Variants in NAV3 observed in about 807,000 individuals in gnomAD.
NAV3 encodes neuron navigator 3, also known as pore membrane and/or filament interacting like protein 1.
A neutral mutation model predicts 244.7 loss-of-function variants in NAV3; 87 were observed. That is an observed-to-expected ratio of 0.36 (90% CI 0.30 to 0.42). The LOEUF is 0.42. Among genes scored for constraint, NAV3 ranks in the 20% least tolerant of loss-of-function variants. The pLI, the probability that NAV3 is intolerant of heterozygous loss-of-function variation, is 1.00. For missense variants in NAV3, 2,663 were observed against 2,893.3 expected, an observed-to-expected ratio of 0.92 and a Z score of 1.83; for synonymous variants, 1,126 against 1,042.2, an observed-to-expected ratio of 1.08 and a Z score of -1.55.
At chr12:77,892,878 T>A (rs2619061) in intron 1 of NAV3, among the ~76,000 whole-genome samples, 13,771 of 152,252 alleles carry the variant, frequency 0.09, 825 homozygotes, top group East Asian at 0.2. Context: ...GTGATAAATT[T>A]ATGTTGGCTA....
chr12:77,824,368 C>CTTTGGG, intron 2 of NAV3, among the ~76,000 whole-genome samples: 1 of 148,734 alleles, frequency 6.7e-6, no homozygotes, highest in Non-Finnish European at 1.5e-5. Context: ...GCTGGGATTA[C>CTTTGGG]AGGCATGCGC....
chr12:78,127,359 G>A, intron 17 of NAV3, 151 bp downstream of exon 17: 1 of 711,164 alleles, frequency 1.4e-6, no homozygotes, highest in Non-Finnish European at 2.3e-6. Flanking sequence ...GGCCCGAACA[G>A]TTGGTGAGAT....
intron 2 of NAV3, among the ~76,000 whole-genome samples, chr12:77,803,083 T>C: frequency 6.6e-6 from 1 of 152,208 alleles, no homozygotes; most frequent in Non-Finnish European, 1.5e-5. Flanking sequence ...TCCCCTTTGC[T>C]GTATTTTTAA....
At chr12:77,673,560 A>AG (rs1565765851) in intron 2 of NAV3, among the ~76,000 whole-genome samples, 1 of 152,076 alleles carries the variant, frequency 6.6e-6, no homozygotes, top group Admixed American at 6.6e-5. Context: ...AAGATGCAAT[A>AG]ATTTTTTGAA....
chr12:77,755,247 A>ATTAATTTT (rs1565800028), intron 2 of NAV3, among the ~76,000 whole-genome samples: 1 of 152,094 alleles, frequency 6.6e-6, no homozygotes, highest in Non-Finnish European at 1.5e-5. Context: ...GGTCTCTTAA[A>ATTAATTTT]TCACAATTAA....
At position 78,122,271 on chromosome 12, in the gene NAV3, C is replaced by T. The variant is rs371058094; in HGVS notation, c.4081C>T (p.Pro1361Ser). ...SSSSAGSKDT[P>S]SYQSMTSLHT... Reference sequence around the variant, plus strand: ...TTCCTCTGCAGGCAGCAAGGATACTCCGAGCTACCAGTCCATGACTAGCCT... The same window carrying T: ...TTCCTCTGCAGGCAGCAAGGATACTTCGAGCTACCAGTCCATGACTAGCCT... Residue 1361 changes from proline (P) to serine (S), a missense_variant, in exon 16 of 40, where the codon CCG becomes TCG. Physicochemically the swap from Pro to Ser is moderately conservative, Grantham distance 74. Transcript: ENST00000397909. The T allele has an allele frequency of 2.0e-4, 320 of 1,614,176 alleles. 1 individual carries two copies. The highest frequency in any genetic ancestry group is 4.4e-4 in the South Asian group (40 of 91,088).
At chr12:78,049,373 G>A (rs1263254338) in intron 9 of NAV3, among the ~76,000 whole-genome samples, 1 of 152,178 alleles carries the variant, frequency 6.6e-6, no homozygotes, top group Non-Finnish European at 1.5e-5. Flanking sequence ...TGTGCATGTT[G>A]TGAAGACTGT....
rs1236459923 is a variant in NAV3, at chr12:77,831,723, C to T, written c.243+19C>T. The T allele has an allele frequency of 7.0e-6, 11 of 1,579,234 alleles. No homozygotes were observed. Among genetic ancestry groups the T allele is most frequent in the Non-Finnish European group, 8.6e-6 (10 of 1,166,648 alleles). ...CAGCAAGGTTAGTTGCTGAAGTTAC[C>T]TGCAGACTTGTGTAGCTAAAATGCA... On this transcript the variant is annotated intron_variant, in intron 1 of 39. Coordinates refer to ENST00000397909, the MANE Select transcript of NAV3 (RefSeq NM_001024383.2).
chr12:77,632,341 A>G (rs1477799993), intron 2 of NAV3, among the ~76,000 whole-genome samples: 1 of 152,198 alleles, frequency 6.6e-6, no homozygotes, highest in Non-Finnish European at 1.5e-5. Context: ...GGGAAGAAAA[A>G]GAGGTTTAAT....
rs151149884 is a variant in NAV3, at chr12:77,984,882, T to C, written c.672-9921T>C. Among the ~76,000 whole-genome samples, 199 of 152,234 alleles carry C rather than the reference T, an allele frequency of 1.3e-3. 2 individuals are homozygous for C. Among genetic ancestry groups the C allele is most frequent in the African/African-American group, 4.4e-3 (184 of 41,544 alleles). On this transcript the variant is annotated intron_variant, in intron 5 of 39. Transcript: ENST00000397909. ...CCCATGCTGGAGTGCAGAGGTGTGA[T>C]CTCAGCTCACTGCAACTCCCACCTC...
chr12:77,902,510 T>C (rs1273450595), intron 1 of NAV3, among the ~76,000 whole-genome samples: 1 of 152,204 alleles, frequency 6.6e-6, no homozygotes, highest in Non-Finnish European at 1.5e-5. Context: ...TCTGTTTATA[T>C]GCTGGATTAA....
At chr12:77,685,318 T>A (rs1466317640) in intron 2 of NAV3, among the ~76,000 whole-genome samples, 1 of 152,182 alleles carries the variant, frequency 6.6e-6, no homozygotes, top group Non-Finnish European at 1.5e-5. Context: ...GTGAAACAAG[T>A]TTCCTGACAT....
At chr12:77,885,743 A>G (rs910609350) in intron 1 of NAV3, among the ~76,000 whole-genome samples, 4 of 152,160 alleles carry the variant, frequency 2.6e-5, no homozygotes, top group Non-Finnish European at 5.9e-5. Context: ...TCTTAAAAGA[A>G]CATTGCTTGA....
intron 1 of NAV3, among the ~76,000 whole-genome samples, chr12:77,933,120 A>AT (rs143244183): frequency 0.014 from 2,123 of 151,988 alleles, 29 homozygotes; most frequent in Non-Finnish European, 0.023. Flanking sequence ...CATAAGGGAC[A>AT]TTTTTTTTGA....
At chr12:77,830,062 T>C (rs995591575), upstream of NAV3, among the ~76,000 whole-genome samples, 1 of 152,216 alleles carries the variant, frequency 6.6e-6, no homozygotes, top group Non-Finnish European at 1.5e-5. Flanking sequence ...CAATAATGCA[T>C]GGTACATTAG....
rs1271234223 is a variant in NAV3, at chr12:77,714,589, T to C, written c.72+142323T>C. 2.6e-5 allele frequency among the ~76,000 whole-genome samples: 4 copies of C among 152,188 alleles called. No individual in the cohort carries two copies. The South Asian group carries it at 8.3e-4, about 31-fold the overall frequency. On this transcript the variant is annotated intron_variant, in intron 2 of 8. Transcript: ENST00000550042. Reference sequence around the variant, plus strand: ...GTAATAGGACCTCTCGTAAAAGGCATGTGCCCATTAAATATTGAAAAATTG... The same window carrying C: ...GTAATAGGACCTCTCGTAAAAGGCACGTGCCCATTAAATATTGAAAAATTG...
intron 12 of NAV3, among the ~76,000 whole-genome samples, chr12:78,112,540 T>G (rs558161459): frequency 1.2e-4 from 18 of 152,156 alleles, no homozygotes; most frequent in African/African-American, 3.9e-4. Context: ...GGAAGGATAA[T>G]GAGTAAAAGG....
intron 22 of NAV3, among the ~76,000 whole-genome samples, chr12:78,154,313 G>GTATATATTATATATATAATATATAA (rs1555183047): frequency 1.5e-5 from 2 of 130,482 alleles, no homozygotes; most frequent in African/African-American, 5.7e-5. Context: ...ATAATATATA[G>GTATATATTATATATATAATATATAA]TATATATATA....
intron 22 of NAV3, among the ~76,000 whole-genome samples, chr12:78,153,650 C>T (rs1220953549): frequency 1.3e-5 from 2 of 152,010 alleles, no homozygotes; most frequent in African/African-American, 2.4e-5. Flanking sequence ...GAAATGGACA[C>T]AAGGCTAGTT....
Sources: gnomAD v4.1 joint callset for allele counts (sites outside exome capture counted in the v4.1 genomes callset) on GRCh38, gnomAD v4.1.1 for gene constraint, MANE v1.5 for transcripts, NCBI Gene and HGNC (gene_info 2026-07-23, HGNC 2026-07-21) for gene names.